Variants in ZSCAN30 observed in about 807,000 individuals in gnomAD.
The protein encoded by ZSCAN30 is zinc finger and SCAN domain containing 30.
In ZSCAN30, 37 loss-of-function variants were observed where a neutral mutation model predicts 44.3. The observed-to-expected ratio is 0.84, with a 90% CI of 0.64 to 1.10. ZSCAN30 has a LOEUF of 1.10. Among genes scored for constraint, ZSCAN30 ranks in the 50% least tolerant of loss-of-function variants. The pLI is 0.00. For synonymous variants in ZSCAN30, 181 were observed against 204.6 expected, an observed-to-expected ratio of 0.88 and a Z score of 0.98; for missense variants, 549 against 582.6, an observed-to-expected ratio of 0.94 and a Z score of 0.59.
chr18:35,271,955 G>A (rs945912033), intron 1 of ZSCAN30, among the ~76,000 whole-genome samples: 17 of 152,130 alleles, frequency 1.1e-4, no homozygotes, highest in Non-Finnish European at 1.6e-4. Context: ...GGGGCCCGCC[G>A]AGCCCGCGCC....
At chr18:35,288,953 G>C (rs1422120533) in intron 1 of ZSCAN30, among the ~76,000 whole-genome samples, 1 of 71,036 alleles carries the variant, frequency 1.4e-5, no homozygotes, top group Non-Finnish European at 2.9e-5. Context: ...CCTCAATAAA[G>C]CTGTTTTGTT....
intron 3 of ZSCAN30, chr18:35,260,119 T>C (rs998339925): frequency 1.3e-5 from 2 of 152,230 alleles, no homozygotes; most frequent in African/African-American, 4.8e-5. Context: ...GTGTTTGGTT[T>C]TCTGTTCCTG....
chr18:35,265,774 A>T (rs1432406388), intron 1 of ZSCAN30, among the ~76,000 whole-genome samples: 1 of 152,220 alleles, frequency 6.6e-6, no homozygotes, highest in Non-Finnish European at 1.5e-5. Context: ...TGTGTACCAA[A>T]GGACTCTTAG....
At chr18:35,270,215 T>C (rs920780010) in intron 1 of ZSCAN30, 8 of 151,730 alleles carry the variant, frequency 5.3e-5, no homozygotes, top group Non-Finnish European at 1.0e-4. Context: ...AAGATGTTAA[T>C]AAAAAGAAAT....
intron 1 of ZSCAN30, among the ~76,000 whole-genome samples, chr18:35,273,363 T>C (rs1393291687): frequency 1.3e-5 from 2 of 152,186 alleles, no homozygotes; most frequent in African/African-American, 2.4e-5. Context: ...TGTTGTAGTA[T>C]ATGTCAGATT....
intron 1 of ZSCAN30, among the ~76,000 whole-genome samples, chr18:35,287,178 T>G (rs1245135649): frequency 1.3e-5 from 2 of 152,068 alleles, no homozygotes; most frequent in African/African-American, 4.8e-5. Flanking sequence ...CTAAATAAAT[T>G]GAGAAAAATA....
chr18:35,276,764 G>A (rs749301075), intron 1 of ZSCAN30, among the ~76,000 whole-genome samples: 7 of 152,226 alleles, frequency 4.6e-5, no homozygotes, highest in Non-Finnish European at 1.0e-4. Flanking sequence ...GTATGGAAGG[G>A]AAATGTGGGG....
At chr18:35,279,278 G>C (rs1480797813) in intron 1 of ZSCAN30, among the ~76,000 whole-genome samples, 1 of 152,202 alleles carries the variant, frequency 6.6e-6, no homozygotes, top group Non-Finnish European at 1.5e-5. Context: ...AAGCTCTAGG[G>C]AAGTGTCTGT....
intron 3 of ZSCAN30, chr18:35,254,694 G>T: frequency 2.4e-6 from 1 of 418,428 alleles, no homozygotes; most frequent in Non-Finnish European, 4.4e-6. Context: ...GACAATCTTG[G>T]GTTAGAGAAG....
At chr18:35,258,089 A>G in intron 3 of ZSCAN30, 1 of 733,386 alleles carries the variant, frequency 1.4e-6, no homozygotes, top group Non-Finnish European at 2.5e-6. Flanking sequence ...ATCATATCAC[A>G]GTGGGCCTCT....
chr18:35,261,603 C>T (rs781643369), intron 3 of ZSCAN30: 51 of 151,360 alleles, frequency 3.4e-4, no homozygotes, highest in Non-Finnish European at 5.7e-4. Context: ...GTATTTTATT[C>T]TCTTTGTAGC....
Position 35,253,382 on chromosome 18 carries a change from T to C in ZSCAN30, c.*68A>G. 1 of 1,392,246 alleles carries C rather than the reference T, an allele frequency of 7.2e-7. No homozygotes were observed. 86.2% of individuals were successfully genotyped at this position (1,392,246 alleles called of 1,614,324 possible). A position where few individuals can be genotyped will look rare whatever the true frequency, so the allele number is the denominator to read the frequency against. On this transcript the variant is annotated 3_prime_UTR_variant, in exon 4 of 4. Coordinates refer to ENST00000333206, the MANE Select transcript of ZSCAN30 (RefSeq NM_001112734.4). The stretch of plus-strand genomic sequence containing the variant: ...GTTCTGCTCTCAGGAAACTTTTCTT[T>C]TCTGTGGAGTCTCACCCCTACAGTG...
At chr18:35,269,119 A>C (rs1330092734) in intron 1 of ZSCAN30, 1 of 152,266 alleles carries the variant, frequency 6.6e-6, no homozygotes, top group Non-Finnish European at 1.5e-5. Flanking sequence ...GACTTTGAAG[A>C]ATGTTACAAC....
At position 35,264,261 on chromosome 18, in the gene ZSCAN30, A is replaced by G. The variant is rs1219267762; in HGVS notation, c.92T>C (p.Leu31Ser). Reference protein sequence around the residue: ...VVKVEEENYVLDQDFGLQENP... With the variant: ...VVKVEEENYVSDQDFGLQENP... ...TTCCTGAAGGCCAAAGTCCTGGTCC[A>G]AAACATAATTTTCTTCTTCAACCTT... Residue 31 changes from leucine to serine, a missense_variant, in exon 2 of 4, where the codon TTG (leucine) becomes TCG (serine). Physicochemically the swap from Leu to Ser is moderately radical, Grantham distance 145. Coordinates refer to ENST00000333206, the MANE Select transcript of ZSCAN30 (RefSeq NM_001112734.4). The G allele has an allele frequency of 1.2e-6, 2 of 1,614,082 alleles. No homozygotes were observed. Among genetic ancestry groups the G allele is most frequent in the African/African-American group, 1.3e-5 (1 of 74,946 alleles).
Position 35,253,505 on chromosome 18 carries a change from G to A in ZSCAN30, c.1430C>T (p.Thr477Ile), listed in dbSNP as rs768867819. ...KPYECSECRK[T>I]FRHRSGLMQH... is the part of the protein sequence containing the mutation. ...CATAAGGCCTGACCTATGCCTAAATGTTTTTCTACATTCACTACATTCATA... is the reference window on the plus strand; with the variant it reads ...CATAAGGCCTGACCTATGCCTAAATATTTTTCTACATTCACTACATTCATA... Residue 477 changes from threonine (T) to isoleucine (I), a missense_variant, in exon 4 of 4, where the codon ACA becomes ATA. Transcript: ENST00000333206. 6.5e-5 allele frequency: 105 copies of A among 1,610,650 alleles called. No homozygotes were observed. The highest frequency in any genetic ancestry group is 8.7e-5 in the Non-Finnish European group (103 of 1,177,626).
At chr18:35,255,673 C>T (rs889283854) in intron 3 of ZSCAN30, 1 of 154,304 alleles carries the variant, frequency 6.5e-6, no homozygotes. Context: ...GTTCACAACA[C>T]TTCAAACACA....
At chr18:35,256,775 G>GT (rs1490730316) in intron 3 of ZSCAN30, among the ~76,000 whole-genome samples, 2 of 151,904 alleles carry the variant, frequency 1.3e-5, no homozygotes, top group East Asian at 1.9e-4. Flanking sequence ...TGTTGTTGTT[G>GT]TTGTTTGTTT....
chr18:35,277,382 C>A (rs112635633), intron 1 of ZSCAN30, among the ~76,000 whole-genome samples: 4 of 151,996 alleles, frequency 2.6e-5, no homozygotes, highest in African/African-American at 4.8e-5. Context: ...GATTTGGCTG[C>A]GTCCCCACCC....
rs2043702888 is a variant in ZSCAN30 at position 35,254,132 on chromosome 18, G to A, written c.803C>T (p.Thr268Ile). 1 of 1,614,168 alleles carries A rather than the reference G, an allele frequency of 6.2e-7. No homozygotes were observed. Among genetic ancestry groups the A allele is most frequent in the South Asian group, 1.1e-5 (1 of 91,084 alleles). The change falls in exon 4 of 4, where the codon ACA becomes ATA. Residue 268 changes from threonine (T) to isoleucine (I), a missense_variant. Coordinates refer to ENST00000333206, the MANE Select transcript of ZSCAN30 (RefSeq NM_001112734.4). The stretch of plus-strand genomic sequence containing the variant: ...ATGAGATTCAAGGACACTGTGTTCT[G>A]TGGGGATTCTTCTGTTGAAGGTTGC... ...SLATFNRRIP[T>I]EHSVLESHES...
Sources: gnomAD v4.1 joint callset for allele counts (sites outside exome capture counted in the v4.1 genomes callset) on GRCh38, gnomAD v4.1.1 for gene constraint, MANE v1.5 for transcripts, NCBI Gene and HGNC (gene_info 2026-07-23, HGNC 2026-07-21) for gene names.